The following TTN variants were observed in gnomAD, a reference collection of about 807,000 sequenced individuals.
The protein encoded by TTN is titin, also known as connectin.
TTN carries 1,525 observed loss-of-function variants against 3,223.0 expected under a neutral mutation model. The ratio of observed to expected loss-of-function variants is 0.47; its 90% CI spans 0.45 to 0.49. The LOEUF (loss-of-function observed/expected upper bound fraction) is 0.49. Ranked by LOEUF, TTN falls within the 20% of genes least tolerant of loss-of-function variation. The probability of loss-of-function intolerance (pLI) is 0.00; values close to 1 mark genes in which losing one functional copy is unlikely to be tolerated. For missense variants in TTN, 40,786 were observed against 43,424.0 expected, an observed-to-expected ratio of 0.94 and a Z score of 5.40; for synonymous variants, 14,094 against 15,161.0, an observed-to-expected ratio of 0.93 and a Z score of 5.17.
At position 178,611,396 on chromosome 2, in the gene TTN, T is replaced by G; in HGVS notation, c.50833A>C (p.Asn16945His). 2 of 1,612,838 alleles carry G rather than the reference T, an allele frequency of 1.2e-6. No individual in the cohort carries two copies. The highest frequency in any genetic ancestry group is 1.7e-6 in the Non-Finnish European group (2 of 1,179,282). The stretch of plus-strand genomic sequence containing the variant: ...CAGTCTGGGTCTTTGGCAACCACAT[T>G]TTCAGAGATTTCAGATGGCTCGCTG... ...GVSEPSEISE[N>H]VVAKDPDCKP... Residue 16945 changes from asparagine to histidine, a missense_variant, in exon 269 of 363, where the codon AAT (asparagine) becomes CAT (histidine). By Grantham distance (68) the Asn-to-His change is moderately conservative. Coordinates refer to ENST00000589042, the MANE Select transcript of TTN (RefSeq NM_001267550.2).
chr2:178,593,934 C>T (rs368866813), intron 297 of TTN, 27 bp downstream of exon 297: 36 of 1,610,802 alleles, frequency 2.2e-5, no homozygotes, highest in Non-Finnish European at 3.0e-5. Context: ...AACAGAAGAT[C>T]TATTCTTTCC....
rs547575746 is a variant in TTN, at chr2:178,545,993, C to T, written c.95243G>A (p.Arg31748His). ...CACCCAGTTGAGCCTGCTAGTCTCGCGTCTTTCCACGATGTAGTGAGTGAT... is the reference window on the plus strand; with the variant it reads ...CACCCAGTTGAGCCTGCTAGTCTCGTGTCTTTCCACGATGTAGTGAGTGAT... ...AEITHYIVER[R>H]ETSRLNWVIV... is the part of the protein sequence containing the mutation. Residue 31748 changes from arginine to histidine, a missense_variant, in exon 343 of 363, where the codon CGC (arginine) becomes CAC (histidine). Transcript: ENST00000589042. 1.7e-5 allele frequency: 27 copies of T among 1,613,802 alleles called. No homozygotes were observed. Among genetic ancestry groups the T allele is most frequent in the South Asian group, 3.3e-5 (3 of 91,078 alleles).
At chr2:178,760,043 A>G (rs985486414) in intron 43 of TTN, among the ~76,000 whole-genome samples, 8 of 152,206 alleles carry the variant, frequency 5.3e-5, no homozygotes, top group Non-Finnish European at 1.5e-5. Flanking sequence ...CAGTCACTAT[A>G]CCACTTCTTG....
chr2:178,796,876 G>A (rs2093796021), intron 6 of TTN, among the ~76,000 whole-genome samples: 1 of 152,136 alleles, frequency 6.6e-6, no homozygotes, highest in Non-Finnish European at 1.5e-5. Context: ...TGGTCACAGC[G>A]AGATACAATG....
chr2:178,602,684 C>A, intron 282 of TTN, 94 bp from the exon 283 acceptor site: 1 of 908,244 alleles, frequency 1.1e-6, no homozygotes, highest in Non-Finnish European at 1.5e-6. Context: ...TTATTTTAAT[C>A]TATTAAAATA....
At chr2:178,762,333 A>G (rs917469723) in intron 43 of TTN, among the ~76,000 whole-genome samples, 6 of 152,340 alleles carry the variant, frequency 3.9e-5, no homozygotes, top group African/African-American at 1.2e-4. Context: ...TACCACACAT[A>G]GGAAGTTAAT....
At position 178,731,470 on chromosome 2, in the gene TTN, C is replaced by T; in HGVS notation, c.17296G>A (p.Asp5766Asn). The T allele has an allele frequency of 6.2e-7, 1 of 1,613,722 alleles. No homozygotes were observed. The highest frequency in any genetic ancestry group is 8.5e-7 in the Non-Finnish European group (1 of 1,179,778). The change falls in exon 59 of 363, where the codon GAC (aspartate) becomes AAC (asparagine). Residue 5766 changes from aspartate to asparagine, a missense_variant. Asp to Asn is a conservative substitution (Grantham distance 23). Transcript: ENST00000589042. ...TCGTCTTCAGTGATTTCATCGCTGT[C>T]TTTTAGCCAAGTCACCGTAATTGGC... ...SLPITVTWLK[D>N]SDEITEDDNI...
Position 178,636,836 on chromosome 2 carries a change from T to A in TTN, c.40928-37A>T. 6.6e-7 allele frequency: 1 copy of A among 1,516,468 alleles called. No individual in the cohort carries two copies. The highest frequency in any genetic ancestry group is 1.4e-5 in the African/African-American group (1 of 71,880). The allele number at this position is 1,516,468 out of a possible 1,614,324, so 93.9% of individuals were successfully genotyped here. On this transcript the variant is annotated intron_variant, in intron 224 of 362. Coordinates refer to ENST00000589042, the MANE Select transcript of TTN (RefSeq NM_001267550.2). The surrounding 1 kb of genome is among the most constrained non-coding windows in gnomAD (Gnocchi z 4.3). The stretch of plus-strand genomic sequence containing the variant: ...TAAAATAAAAAGTTGATTTGGCATC[T>A]CCTTAGGAGTCAGAAAGTTCATACT...
intron 13 of TTN, among the ~76,000 whole-genome samples, chr2:178,787,515 T>A (rs2093262546): frequency 6.6e-6 from 1 of 152,154 alleles, no homozygotes; most frequent in African/African-American, 2.4e-5. Flanking sequence ...ACTAAATAAA[T>A]AAATATTATT....
In TTN at chr2:178,723,037, A is replaced by T; in HGVS notation, c.21961+9T>A. On this transcript the variant is annotated intron_variant, in intron 75 of 362. Coordinates refer to ENST00000589042, the MANE Select transcript of TTN (RefSeq NM_001267550.2). ...TGCAAATGATTTAAGAGACAATAAG[A>T]CAACACACCTAATGTAGATACCAGA... The T allele has an allele frequency of 1.2e-6, 2 of 1,611,744 alleles. No homozygotes were observed. Among genetic ancestry groups the T allele is most frequent in the Non-Finnish European group, 1.7e-6 (2 of 1,178,780 alleles).
At position 178,584,837 on chromosome 2, in the gene TTN, C is replaced by A. The variant is rs2048571659; in HGVS notation, c.64804G>T (p.Val21602Leu). The A allele has an allele frequency of 3.7e-6, 6 of 1,613,388 alleles. 1 individual carries two copies. The highest frequency in any genetic ancestry group is 1.3e-5 in the African/African-American group (1 of 74,990). Residue 21602 changes from valine to leucine, a missense_variant, in exon 310 of 363, where the codon GTA (valine) becomes TTA (leucine). Transcript: ENST00000589042. ...GCCGTGACCCAGTCACCTCGGCTTACATCACACTTCTCCACTATATAATTG... is the reference window on the plus strand; with the variant it reads ...GCCGTGACCCAGTCACCTCGGCTTAAATCACACTTCTCCACTATATAATTG... ...ITNYIVEKCD[V>L]SRGDWVTALA...
chr2:178,538,502 G>A (rs1356096633), intron 354 of TTN, 38 bp downstream of exon 354: 1 of 1,562,484 alleles, frequency 6.4e-7, no homozygotes, highest in African/African-American at 1.4e-5. Flanking sequence ...AACTTGTTTA[G>A]TTTGTAAATC....
Position 178,621,213 on chromosome 2 carries a change from C to T in TTN, c.45505G>A (p.Ala15169Thr), listed in dbSNP as rs759247684. 1.2e-5 allele frequency: 19 copies of T among 1,612,228 alleles called. No individual in the cohort carries two copies. Among genetic ancestry groups the T allele is most frequent in the Non-Finnish European group, 1.6e-5 (19 of 1,179,124 alleles). Residue 15169 changes from alanine to threonine, a missense_variant, in exon 246 of 363, where the codon GCT (alanine) becomes ACT (threonine). By Grantham distance (58) the Ala-to-Thr change is moderately conservative (BLOSUM62 0). Transcript: ENST00000589042. ...LESGDKYDVI[A>T]DGKKRVLVVK... ...ACTAGGACCCTCTTTTTACCATCAG[C>T]AATAACGTCATATTTATCTCCAGAT...
intron 165 of TTN, among the ~76,000 whole-genome samples, chr2:178,665,175 T>C (rs1577126655): frequency 6.6e-6 from 1 of 152,130 alleles, no homozygotes; most frequent in Non-Finnish European, 1.5e-5. Flanking sequence ...AATGAATACT[T>C]CCAGCAGGAG....
At position 178,552,793 on chromosome 2, in the gene TTN, T is replaced by G; in HGVS notation, c.90107A>C (p.Asp30036Ala). Residue 30036 changes from aspartate to alanine, a missense_variant, in exon 335 of 363, where the codon GAT (aspartate) becomes GCT (alanine). Asp to Ala is a moderately radical substitution (Grantham distance 126). Transcript: ENST00000589042. ...CTTTGTTGAGTCTTTCATTGAGAGATCACGTATAGGAGCTGGTACTTCAGC... is the reference window on the plus strand; with the variant it reads ...CTTTGTTGAGTCTTTCATTGAGAGAGCACGTATAGGAGCTGGTACTTCAGC... ...KAAEVPAPIR[D>A]LSMKDSTKTS... The G allele has an allele frequency of 1.9e-6, 3 of 1,613,900 alleles. No individual in the cohort carries two copies. Among genetic ancestry groups the G allele is most frequent in the Non-Finnish European group, 2.5e-6 (3 of 1,179,830 alleles).
chr2:178,619,148 G>GT, intron 250 of TTN: 4 of 429,918 alleles, frequency 9.3e-6, no homozygotes, highest in South Asian at 2.9e-5. Flanking sequence ...GTTTTGTTTT[G>GT]TTTTTTGATA....
chr2:178,686,415 C>T (rs797008001), intron 127 of TTN, among the ~76,000 whole-genome samples: 30 of 83,748 alleles, frequency 3.6e-4, no homozygotes, highest in African/African-American at 9.9e-4. Context: ...CCACCGCGCC[C>T]GGCCAGTTTT....
chr2:178,749,388 G>C lies in TTN; in HGVS notation c.11311+3736C>G, dbSNP rs774617179. The C allele has an allele frequency of 1.2e-5, 19 of 1,612,952 alleles. 1 individual carries two copies. Among genetic ancestry groups the C allele is most frequent in the Non-Finnish European group, 1.6e-5 (19 of 1,179,442 alleles). On this transcript the variant is annotated intron_variant, in intron 47 of 362. Coordinates refer to ENST00000589042, the MANE Select transcript of TTN (RefSeq NM_001267550.2). ...ATTTTTATGGTTCTTGAAGCACCAT[G>C]CACAAATCTGGGAATTTTTTCTCTA...
chr2:178,593,984 C>A lies in TTN; in HGVS notation c.58409G>T (p.Gly19470Val), dbSNP rs750836050. 1.2e-6 allele frequency: 2 copies of A among 1,613,432 alleles called. No homozygotes were observed. Among genetic ancestry groups the A allele is most frequent in the Non-Finnish European group, 1.7e-6 (2 of 1,179,624 alleles). ...VVENSTGSRK[G>V]FCQVNVVDRP... ...ACCAACAACATTAACTTGACAGAAA[C>A]CTTTCCTAGAGCCTGTACTGTTCTC... Residue 19470 changes from glycine (G) to valine (V), a missense_variant, in exon 297 of 363, where the codon GGT becomes GTT. By Grantham distance (109) the Gly-to-Val change is moderately radical. Transcript: ENST00000589042.
Sources: allele counts gnomAD v4.1 joint callset (sites outside exome capture counted in the v4.1 genomes callset), GRCh38; gene constraint gnomAD v4.1.1; non-coding constraint Gnocchi (gnomAD v3.1); transcripts MANE v1.5; gene names NCBI Gene and HGNC (gene_info 2026-07-23, HGNC 2026-07-21).